ITPRIP: variants seen among roughly 807,000 people sequenced by gnomAD.
The protein encoded by ITPRIP is inositol 1,4,5-trisphosphate receptor-interacting protein.
A neutral mutation model predicts 35.8 loss-of-function variants in ITPRIP; 32 were observed. The ratio of observed to expected loss-of-function variants is 0.89; its 90% CI spans 0.68 to 1.20. The LOEUF (loss-of-function observed/expected upper bound fraction) is 1.20. ITPRIP is among the 50% of genes most tolerant of loss of function. The pLI, the probability that ITPRIP is intolerant of heterozygous loss-of-function variation, is 0.00. For synonymous variants in ITPRIP, 358 were observed against 324.0 expected (o/e 1.11, Z -1.13); for missense variants, 653 against 735.6 (o/e 0.89, Z 1.30).
chr10:104,324,632 C>T (rs2013942754), intron 1 of ITPRIP, among the ~76,000 whole-genome samples: 2 of 152,130 alleles, frequency 1.3e-5, no homozygotes, highest in East Asian at 1.9e-4. Context: ...GGGCTCCTTC[C>T]CTTCCTCTCT....
chr10:104,329,399 T>C (rs2014103985), intron 1 of ITPRIP, among the ~76,000 whole-genome samples: 1 of 152,052 alleles, frequency 6.6e-6, no homozygotes, highest in African/African-American at 2.4e-5. Context: ...TCTCTACGGA[T>C]TGCACAAAAC....
chr10:104,312,827 G>T lies in ITPRIP; in HGVS notation c.*1581C>A. 1 of 985,372 alleles carries T rather than the reference G, an allele frequency of 1.0e-6. No homozygotes were observed. The highest frequency in any genetic ancestry group is 1.2e-6 in the Non-Finnish European group (1 of 829,938). The allele number at this position is 985,372 out of a possible 1,614,324, so 61.0% of individuals were successfully genotyped here. A position where few individuals can be genotyped will look rare whatever the true frequency, so the allele number is the denominator to read the frequency against. On this transcript the variant is annotated 3_prime_UTR_variant, in exon 2 of 2. Coordinates refer to ENST00000337478, the MANE Select transcript of ITPRIP (RefSeq NM_001272013.2). ...GTAACTGGGCACCCCTGTCAAGTTG[G>T]TTATGCTCTCGGGAAGGCATGGCCG...
intron 1 of ITPRIP, among the ~76,000 whole-genome samples, chr10:104,327,485 T>C (rs1010958491): frequency 3.3e-5 from 5 of 151,970 alleles, no homozygotes; most frequent in African/African-American, 1.2e-4. Context: ...CCTGGAAACA[T>C]CCATGCTTCA....
At chr10:104,325,221 A>T (rs1263245669) in intron 1 of ITPRIP, among the ~76,000 whole-genome samples, 1 of 152,186 alleles carries the variant, frequency 6.6e-6, no homozygotes, top group Non-Finnish European at 1.5e-5. Flanking sequence ...CCTCGTCTTG[A>T]AAAGAAAAGA....
chr10:104,327,903 C>T (rs565633746), intron 1 of ITPRIP, among the ~76,000 whole-genome samples: 2 of 152,322 alleles, frequency 1.3e-5, no homozygotes, highest in East Asian at 1.9e-4. Context: ...CTGGTGTGCC[C>T]GACAGCTGCC....
chr10:104,317,025 T>G lies in ITPRIP; in HGVS notation c.-13-961A>C, dbSNP rs2013710911. 2.0e-5 allele frequency among the ~76,000 whole-genome samples: 3 copies of G among 152,350 alleles called. No individual in the cohort carries two copies. In the South Asian group the frequency reaches 6.2e-4, roughly 32 times the overall value. On this transcript the variant is annotated intron_variant, in intron 1 of 1. Coordinates refer to ENST00000337478, the MANE Select transcript of ITPRIP (RefSeq NM_001272013.2). ...GCAAACTGCATGGCCCAGTGACCAG[T>G]GCAAAGCACATATTCACTGAACAAT... is the stretch of plus-strand genomic sequence containing the variant.
Position 104,315,738 on chromosome 10 carries a change from T to G in ITPRIP, c.314A>C (p.Gln105Pro). 1 of 1,613,790 alleles carries G rather than the reference T, an allele frequency of 6.2e-7. No homozygotes were observed. The highest frequency in any genetic ancestry group is 8.5e-7 in the Non-Finnish European group (1 of 1,179,986). The change falls in exon 2 of 2, where the codon CAG becomes CCG. Residue 105 changes from glutamine (Q) to proline (P), a missense_variant. Transcript: ENST00000337478. This position sits in a 1 kb window ranked among gnomAD's most constrained non-coding sequence, Gnocchi z 5.7. ...AGGTGAGGGCCCCTCCTGGTGGTCC[T>G]GCCGCCACACCTCGATCATCAGGAA... is the stretch of plus-strand genomic sequence containing the variant. ...ILFLMIEVWRQDHQEGPSPEC... is the reference protein window; with the variant it reads ...ILFLMIEVWRPDHQEGPSPEC...
chr10:104,316,631 G>T (rs1373695181), intron 1 of ITPRIP, among the ~76,000 whole-genome samples: 5 of 152,106 alleles, frequency 3.3e-5, no homozygotes, highest in African/African-American at 1.2e-4. Context: ...CCAACATAGA[G>T]GAAAGCAGAA....
At chr10:104,327,017 G>A (rs2014033067) in intron 1 of ITPRIP, 1 of 152,204 alleles carries the variant, frequency 6.6e-6, no homozygotes, top group Non-Finnish European at 1.5e-5. Context: ...CCCTCCTGGT[G>A]TGTGGCAACT....
At chr10:104,329,393 T>G (rs974806584) in intron 1 of ITPRIP, among the ~76,000 whole-genome samples, 3 of 152,162 alleles carry the variant, frequency 2.0e-5, no homozygotes, top group Non-Finnish European at 4.4e-5. Flanking sequence ...TCACACTCTC[T>G]ACGGATTGCA....
chr10:104,314,637 T>C lies in ITPRIP; in HGVS notation c.1415A>G (p.Lys472Arg). Reference sequence around the variant, plus strand: ...GCCGATGAAGAAGTGGTGGAGCTTCTTCTGGAGCAAGCTCTTCTCCAGGAA... The same window carrying C: ...GCCGATGAAGAAGTGGTGGAGCTTCCTCTGGAGCAAGCTCTTCTCCAGGAA... ...LCFLEKSLLQ[K>R]KLHHFFIGNR... The change falls in exon 2 of 2, where the codon AAG becomes AGG. Residue 472 changes from lysine to arginine, a missense_variant. By Grantham distance (26) the Lys-to-Arg change is conservative (BLOSUM62 2). Transcript: ENST00000337478. 1 of 1,614,126 alleles carries C rather than the reference T, an allele frequency of 6.2e-7. No individual in the cohort carries two copies.
chr10:104,316,112 C>T (rs1647615449), intron 1 of ITPRIP, 48 bp from the exon 2 acceptor site: 6 of 1,451,928 alleles, frequency 4.1e-6, no homozygotes, highest in African/African-American at 1.4e-5. Flanking sequence ...CTCAATGCCA[C>T]TTCGTCCCTG....
At position 104,314,894 on chromosome 10, in the gene ITPRIP, G is replaced by T; in HGVS notation, c.1158C>A (p.Val386=). 1 of 1,613,696 alleles carries T rather than the reference G, an allele frequency of 6.2e-7. No individual in the cohort carries two copies. Among genetic ancestry groups the T allele is most frequent in the East Asian group, 2.2e-5 (1 of 44,876 alleles). The part of the protein sequence containing the change: ...SSTDWLLSFA[V]YERHFLRTTL... ...TCGTCCTGAGGAAGTGTCGCTCATA[G>T]ACAGCAAAGGACAGGAGCCAGTCTG... Residue 386 remains valine, a synonymous_variant, in exon 2 of 2, where the codon GTC becomes GTA. Coordinates refer to ENST00000337478, the MANE Select transcript of ITPRIP (RefSeq NM_001272013.2).
chr10:104,336,165 T>A (rs187259918), intron 1 of ITPRIP, among the ~76,000 whole-genome samples: 3 of 152,286 alleles, frequency 2.0e-5, no homozygotes, highest in Admixed American at 2.0e-4. Context: ...ACAGAGCACC[T>A]TATTCTAATT....
At position 104,328,921 on chromosome 10, in the gene ITPRIP, G is replaced by C. The variant is rs2014091174; in HGVS notation, c.-14+9325C>G. The C allele has an allele frequency of 6.6e-6, 1 of 152,066 alleles. No individual in the cohort carries two copies. The highest frequency in any genetic ancestry group is 1.5e-5 in the Non-Finnish European group (1 of 68,070). The allele number at this position is 152,066 out of a possible 1,614,324, so 9.4% of individuals were successfully genotyped here. ...CACACAGTGAAAGAAATCCCAGACT[G>C]TTCTTCTACCCGAGTCCCCCTGCGG... On this transcript the variant is annotated intron_variant, in intron 1 of 1. Coordinates refer to ENST00000337478, the MANE Select transcript of ITPRIP (RefSeq NM_001272013.2). This position sits in a 1 kb window ranked among gnomAD's most constrained non-coding sequence, Gnocchi z 4.1.
At chr10:104,338,221 C>T (rs1388716995) in intron 1 of ITPRIP, 25 bp downstream of exon 1, 1 of 153,196 alleles carries the variant, frequency 6.5e-6, no homozygotes, top group East Asian at 1.9e-4. Context: ...CTTCCTTCAG[C>T]ACACTAGGCT....
In ITPRIP at chr10:104,315,084, A is replaced by G. The variant is rs772322117; in HGVS notation, c.968T>C (p.Leu323Pro). Reference sequence around the variant, plus strand: ...CGGGCTGTCCAGCTGGCCAAAGGCCAGGTCGAACTCGTACTTGTGGGCGAT... The same window carrying G: ...CGGGCTGTCCAGCTGGCCAAAGGCCGGGTCGAACTCGTACTTGTGGGCGAT... ...KGIAHKYEFD[L>P]AFGQLDSPGS... The change falls in exon 2 of 2, where the codon CTG (leucine) becomes CCG (proline). Residue 323 changes from leucine (L) to proline (P), a missense_variant. Physicochemically the swap from Leu to Pro is moderately conservative, Grantham distance 98. Transcript: ENST00000337478. This position sits in a 1 kb window ranked among gnomAD's most constrained non-coding sequence, Gnocchi z 5.7. 1 of 1,614,194 alleles carries G rather than the reference A, an allele frequency of 6.2e-7. No individual in the cohort carries two copies.
intron 1 of ITPRIP, among the ~76,000 whole-genome samples, chr10:104,330,021 G>C (rs1472978781): frequency 6.6e-6 from 1 of 152,210 alleles, no homozygotes; most frequent in Non-Finnish European, 1.5e-5. Flanking sequence ...AAAGGCCCCA[G>C]GGGCTGACAC....
At chr10:104,318,962 T>G (rs1476037550) in intron 1 of ITPRIP, among the ~76,000 whole-genome samples, 1 of 152,100 alleles carries the variant, frequency 6.6e-6, no homozygotes, top group East Asian at 1.9e-4. Flanking sequence ...CAGGGCGGAG[T>G]GCGCCGCAGA....
Sources: gnomAD v4.1 joint callset for allele counts (sites outside exome capture counted in the v4.1 genomes callset) on GRCh38, gnomAD v4.1.1 for gene constraint, Gnocchi (gnomAD v3.1) non-coding constraint, MANE v1.5 for transcripts, NCBI Gene and HGNC (gene_info 2026-07-23, HGNC 2026-07-21) for gene names.